SCAPER: variants seen among roughly 807,000 people sequenced by gnomAD.
The protein encoded by SCAPER is S phase cyclin A-associated protein in the endoplasmic reticulum.
Under a neutral mutation model 182.2 loss-of-function variants are expected in SCAPER, and 98 were observed. The observed-to-expected ratio is 0.54, with a 90% CI of 0.46 to 0.64. SCAPER has a LOEUF of 0.64. Ranked by LOEUF, SCAPER falls within the 30% of genes least tolerant of loss-of-function variation. The pLI is 0.00. For synonymous variants in SCAPER, 605 were observed against 564.6 expected (o/e 1.07, Z -1.01); for missense variants, 1,432 against 1,690.0 (o/e 0.85, Z 2.68).
chr15:76,800,363 G>T lies in SCAPER; in HGVS notation c.496C>A (p.Pro166Thr). 1 of 1,587,888 alleles carries T rather than the reference G, an allele frequency of 6.3e-7. No homozygotes were observed. Among genetic ancestry groups the T allele is most frequent in the Non-Finnish European group, 8.6e-7 (1 of 1,157,210 alleles). The change falls in exon 7 of 32, where the codon CCA becomes ACA. Residue 166 changes from proline to threonine, a missense_variant and splice_region_variant. Transcript: ENST00000563290. ...KLEKTDAQSR[P>T]TSLAWEVKKM... ...TTTACTTCCCATGCCAATGATGTTG[G>T]TCTGCGAATTCAATATATAAACCAG... is the stretch of plus-strand genomic sequence containing the variant.
At position 76,373,317 on chromosome 15, in the gene SCAPER, G is replaced by A. The variant is rs557550427; in HGVS notation, c.3855+2845C>T. 2.0e-5 allele frequency among the ~76,000 whole-genome samples: 3 copies of A among 152,126 alleles called. No homozygotes were observed. The South Asian group carries it at 6.2e-4, about 32-fold the overall frequency. The stretch of plus-strand genomic sequence containing the variant: ...CTCGTCTCGGCCTCCCAAAGTGCTG[G>A]GATTACAGGCGTGAGCTACTGCGCT... On this transcript the variant is annotated intron_variant, in intron 29 of 31. Transcript: ENST00000563290.
intron 24 of SCAPER, among the ~76,000 whole-genome samples, chr15:76,502,347 T>A (rs556331239): frequency 6.6e-6 from 1 of 152,080 alleles, no homozygotes; most frequent in African/African-American, 2.4e-5. Context: ...ATAGACTGGA[T>A]TAAGAAAAAT....
intron 17 of SCAPER, among the ~76,000 whole-genome samples, chr15:76,710,891 A>G (rs1175366734): frequency 6.6e-6 from 1 of 152,194 alleles, no homozygotes; most frequent in African/African-American, 2.4e-5. Context: ...AGACATATAG[A>G]TATCAATATA....
At chr15:76,791,922 G>A (rs573179154) in intron 8 of SCAPER, among the ~76,000 whole-genome samples, 1 of 151,288 alleles carries the variant, frequency 6.6e-6, no homozygotes, top group African/African-American at 2.4e-5. Flanking sequence ...GGGAGATGGA[G>A]AACAAATGAT....
intron 14 of SCAPER, among the ~76,000 whole-genome samples, chr15:76,760,493 C>G (rs575249671): frequency 7.9e-5 from 12 of 152,278 alleles, no homozygotes; most frequent in African/African-American, 2.4e-4. Context: ...AGAAGCTCCC[C>G]AAAGTCTGTT....
chr15:76,392,147 C>A lies in SCAPER; in HGVS notation c.3468-10532G>T, dbSNP rs147073943. ...TCCAGGAGGAAATGTCTATCATGGC[C>A]TTGTTATGAATATGGTTTGGGCCTT... On this transcript the variant is annotated intron_variant, in intron 27 of 31. Coordinates refer to ENST00000563290, the MANE Select transcript of SCAPER (RefSeq NM_020843.4). 6.0e-3 allele frequency among the ~76,000 whole-genome samples: 907 copies of A among 152,154 alleles called. 4 individuals are homozygous for A. The highest frequency in any genetic ancestry group is 0.021 in the African/African-American group (875 of 41,508).
At chr15:76,458,493 T>C (rs1244202186) in intron 25 of SCAPER, among the ~76,000 whole-genome samples, 1 of 152,134 alleles carries the variant, frequency 6.6e-6, no homozygotes, top group Non-Finnish European at 1.5e-5. Flanking sequence ...TGATTTTCTT[T>C]GTATTTAGAC....
chr15:76,456,211 T>C (rs2048724578), intron 25 of SCAPER, among the ~76,000 whole-genome samples: 1 of 152,206 alleles, frequency 6.6e-6, no homozygotes, highest in Non-Finnish European at 1.5e-5. Context: ...GGTCAAATGA[T>C]ATTTCTGGTT....
intron 24 of SCAPER, among the ~76,000 whole-genome samples, chr15:76,501,028 G>A (rs1312284191): frequency 1.4e-5 from 2 of 146,768 alleles, no homozygotes; most frequent in East Asian, 4.0e-4. Flanking sequence ...GGGTGACGGA[G>A]TAAAACCCTG....
chr15:76,874,874 G>C (rs1482687668), intron 2 of SCAPER, among the ~76,000 whole-genome samples: 1 of 151,994 alleles, frequency 6.6e-6, no homozygotes, highest in East Asian at 1.9e-4. Flanking sequence ...AAGGCAGGAG[G>C]ATCACTGGAG....
intron 6 of SCAPER, 92 bp from the exon 7 acceptor site, chr15:76,800,456 A>C (rs146891052): frequency 1.3e-6 from 1 of 798,158 alleles, no homozygotes; most frequent in African/African-American, 1.7e-5. Flanking sequence ...CTGAAAAAAT[A>C]ATCCTACTTT....
intron 1 of SCAPER, among the ~76,000 whole-genome samples, chr15:76,891,817 G>T (rs1310340657): frequency 6.6e-6 from 1 of 151,454 alleles, no homozygotes; most frequent in Non-Finnish European, 1.5e-5. Flanking sequence ...ATTCTTCACA[G>T]AATTTTTTCC....
At chr15:76,577,111 A>C (rs2047887229) in intron 22 of SCAPER, 1 of 152,270 alleles carries the variant, frequency 6.6e-6, no homozygotes, top group Non-Finnish European at 1.5e-5. Context: ...ACTCTGGTAC[A>C]GACTCCGTCC....
intron 20 of SCAPER, among the ~76,000 whole-genome samples, chr15:76,679,121 T>C (rs2057536949): frequency 6.6e-6 from 1 of 152,186 alleles, no homozygotes; most frequent in South Asian, 2.1e-4. Flanking sequence ...CCACAGACAG[T>C]ATTCAAACAC....
At chr15:76,887,458 C>T (rs368587541) in intron 1 of SCAPER, among the ~76,000 whole-genome samples, 17 of 152,288 alleles carry the variant, frequency 1.1e-4, no homozygotes, top group South Asian at 2.1e-4. Context: ...CCAAATACCG[C>T]GCTTTTCCCA....
At chr15:76,833,826 A>G (rs558732026) in intron 5 of SCAPER, among the ~76,000 whole-genome samples, 1 of 152,382 alleles carries the variant, frequency 6.6e-6, no homozygotes, top group South Asian at 2.1e-4. Flanking sequence ...TTAAACATAT[A>G]TGTACCCAAC....
chr15:76,680,807 T>C (rs2057661087), intron 20 of SCAPER, among the ~76,000 whole-genome samples: 1 of 152,170 alleles, frequency 6.6e-6, no homozygotes, highest in African/African-American at 2.4e-5. Context: ...TGCTCAATCT[T>C]AAACCTTCCA....
At chr15:76,358,698 CA>C (rs1254125065) in intron 29 of SCAPER, among the ~76,000 whole-genome samples, 1 of 152,250 alleles carries the variant, frequency 6.6e-6, no homozygotes, top group Non-Finnish European at 1.5e-5. Context: ...TCTCGAAATA[CA>C]ACTACATTGC....
intron 29 of SCAPER, among the ~76,000 whole-genome samples, chr15:76,360,386 T>C (rs1256676809): frequency 6.6e-6 from 1 of 152,180 alleles, no homozygotes; most frequent in African/African-American, 2.4e-5. Context: ...GCTCAGAAAG[T>C]TCAAGAGAGC....
Sources: gnomAD v4.1 joint callset for allele counts (sites outside exome capture counted in the v4.1 genomes callset) on GRCh38, gnomAD v4.1.1 for gene constraint, MANE v1.5 for transcripts, NCBI Gene and HGNC (gene_info 2026-07-23, HGNC 2026-07-21) for gene names.